EYS: variants seen among roughly 807,000 people sequenced by gnomAD.
EYS encodes the protein protein eyes shut homolog.
EYS carries 250 observed loss-of-function variants against 282.1 expected under a neutral mutation model. The observed-to-expected ratio is 0.89, with a 90% CI of 0.80 to 0.98. The LOEUF (loss-of-function observed/expected upper bound fraction) is 0.98. EYS is among the 50% of genes least tolerant of loss of function. The pLI is 0.00. For synonymous variants in EYS, 1,355 were observed against 1,282.9 expected (o/e 1.06, Z -1.20); for missense variants, 4,016 against 3,709.0 (o/e 1.08, Z -2.15).
chr6:64,463,741 C>T (rs1385413975), intron 26 of EYS, among the ~76,000 whole-genome samples: 1 of 151,968 alleles, frequency 6.6e-6, no homozygotes, highest in Non-Finnish European at 1.5e-5. Flanking sequence ...ACAAATAATA[C>T]CATAGAAATA....
chr6:64,158,621 T>C (rs1283954961), intron 31 of EYS, among the ~76,000 whole-genome samples: 1 of 152,184 alleles, frequency 6.6e-6, no homozygotes, highest in African/African-American at 2.4e-5. Flanking sequence ...ACTAACTCAG[T>C]CTCACTCTTC....
intron 32 of EYS, among the ~76,000 whole-genome samples, chr6:64,067,169 T>C (rs1278146343): frequency 2.0e-5 from 3 of 152,150 alleles, no homozygotes; most frequent in African/African-American, 4.8e-5. Flanking sequence ...TTCATTCATC[T>C]TTCTCTTTTT....
intron 22 of EYS, among the ~76,000 whole-genome samples, chr6:64,742,881 A>G (rs979533124): frequency 1.3e-5 from 2 of 152,160 alleles, no homozygotes; most frequent in African/African-American, 4.8e-5. Flanking sequence ...AGCTTCTCAC[A>G]TTACGAGGCA....
intron 19 of EYS, among the ~76,000 whole-genome samples, chr6:64,835,123 A>C (rs1765342659): frequency 6.6e-6 from 1 of 151,784 alleles, no homozygotes; most frequent in Non-Finnish European, 1.5e-5. Flanking sequence ...ACATAGTTTA[A>C]TTCCCCTGAT....
At chr6:64,977,050 G>A (rs1025319407) in intron 14 of EYS, among the ~76,000 whole-genome samples, 14 of 151,722 alleles carry the variant, frequency 9.2e-5, no homozygotes, top group Non-Finnish European at 1.6e-4. Context: ...ATGCCACCAC[G>A]CTTGCCTAAT....
At chr6:65,357,996 C>T (rs980656396) in intron 8 of EYS, among the ~76,000 whole-genome samples, 1 of 151,890 alleles carries the variant, frequency 6.6e-6, no homozygotes, top group Non-Finnish European at 1.5e-5. Flanking sequence ...AGTTAACTTT[C>T]AGTAGAATGA....
chr6:65,582,132 G>A (rs1015863081), intron 2 of EYS, among the ~76,000 whole-genome samples: 1 of 151,642 alleles, frequency 6.6e-6, no homozygotes. Flanking sequence ...GGAGGCGGAG[G>A]TTGCAATGAA....
intron 29 of EYS, among the ~76,000 whole-genome samples, chr6:64,370,092 C>A (rs1419998994): frequency 6.6e-6 from 1 of 152,062 alleles, no homozygotes; most frequent in Non-Finnish European, 1.5e-5. Flanking sequence ...GAGAGGGCAT[C>A]CTTGTCTTGT....
rs532138018 is a variant in EYS, at chr6:63,989,745, C to T, written c.6835-5142G>A. On this transcript the variant is annotated intron_variant, in intron 34 of 42. Transcript: ENST00000503581. ...CCCGTGTTATGCTGCCTTAGAATCT[C>T]GATATTTTGCTAGATTCAGCACATG... Among the ~76,000 whole-genome samples, 31 of 151,382 alleles carry T rather than the reference C, an allele frequency of 2.0e-4. 1 individual carries two copies. In the South Asian group the frequency reaches 3.1e-3, roughly 15 times the overall value.
At chr6:64,976,479 G>A (rs1368062957) in intron 14 of EYS, among the ~76,000 whole-genome samples, 1 of 151,770 alleles carries the variant, frequency 6.6e-6, no homozygotes, top group African/African-American at 2.4e-5. Flanking sequence ...TTCAGTATCT[G>A]CTGAGGCCTA....
At chr6:65,430,045 A>G (rs1188755102) in intron 5 of EYS, among the ~76,000 whole-genome samples, 2 of 152,104 alleles carry the variant, frequency 1.3e-5, no homozygotes, top group Non-Finnish European at 2.9e-5. Context: ...AATTTGCTCA[A>G]ATTCACACTG....
At chr6:64,659,643 A>T (rs1768915670) in intron 22 of EYS, among the ~76,000 whole-genome samples, 1 of 152,162 alleles carries the variant, frequency 6.6e-6, no homozygotes, top group Admixed American at 6.5e-5. Context: ...CAGAATAAAT[A>T]TATAAATTCC....
chr6:64,917,489 TA>T (rs1434582950), intron 15 of EYS, among the ~76,000 whole-genome samples: 1 of 152,178 alleles, frequency 6.6e-6, no homozygotes, highest in African/African-American at 2.4e-5. Flanking sequence ...TATTTTCTTA[TA>T]AAAATCAGTT....
intron 2 of EYS, among the ~76,000 whole-genome samples, chr6:65,524,562 G>A (rs1767488535): frequency 6.6e-6 from 1 of 152,240 alleles, no homozygotes; most frequent in South Asian, 2.1e-4. Flanking sequence ...ACTGTAACCA[G>A]CTCTTCAAAA....
chr6:65,151,351 A>G (rs147217378), intron 12 of EYS, among the ~76,000 whole-genome samples: 3 of 152,124 alleles, frequency 2.0e-5, no homozygotes, highest in African/African-American at 7.2e-5. Context: ...ATAATTGGGC[A>G]GAGGGACAAT....
At chr6:65,161,788 T>A (rs761071184) in intron 12 of EYS, among the ~76,000 whole-genome samples, 1 of 151,190 alleles carries the variant, frequency 6.6e-6, no homozygotes, top group Non-Finnish European at 1.5e-5. Flanking sequence ...CAGAAAAACT[T>A]GAAATACTTG....
chr6:65,017,663 A>G (rs1772098623), intron 13 of EYS, among the ~76,000 whole-genome samples: 1 of 152,232 alleles, frequency 6.6e-6, no homozygotes, highest in South Asian at 2.1e-4. Context: ...GTGCTCATGA[A>G]GGAACAAAAT....
At chr6:64,585,477 C>G (rs1309090375) in intron 26 of EYS, among the ~76,000 whole-genome samples, 6 of 152,022 alleles carry the variant, frequency 3.9e-5, no homozygotes, top group Non-Finnish European at 8.8e-5. Context: ...AATGTTGAAA[C>G]TTTTATTCAG....
chr6:64,217,402 T>G (rs111792665), intron 31 of EYS, among the ~76,000 whole-genome samples: 4,126 of 152,058 alleles, frequency 0.027, 59 homozygotes, highest in African/African-American at 0.043. Context: ...GGTGGTGGGT[T>G]CCTGTAATCC....
Sources: gnomAD v4.1 joint callset for allele counts (sites outside exome capture counted in the v4.1 genomes callset) on GRCh38, gnomAD v4.1.1 for gene constraint, MANE v1.5 for transcripts, NCBI Gene and HGNC (gene_info 2026-07-23, HGNC 2026-07-21) for gene names.